Variants in SPOCK1 observed in about 807,000 individuals in gnomAD.
SPOCK1 encodes testican-1.
SPOCK1 carries 23 observed loss-of-function variants against 55.3 expected under a neutral mutation model. That is an observed-to-expected ratio of 0.42 (90% CI 0.30 to 0.59). The LOEUF (loss-of-function observed/expected upper bound fraction) is 0.59, where lower values mean the gene tolerates loss of function less well. Ranked by LOEUF, SPOCK1 falls within the 20% of genes least tolerant of loss-of-function variation. The probability of loss-of-function intolerance (pLI) is 0.22; values close to 1 mark genes in which losing one functional copy is unlikely to be tolerated. For synonymous variants in SPOCK1, 226 were observed against 221.0 expected (o/e 1.02, Z -0.20); for missense variants, 499 against 552.5 (o/e 0.90, Z 0.97).
intron 2 of SPOCK1, among the ~76,000 whole-genome samples, chr5:137,290,448 G>A (rs1480923722): frequency 6.6e-6 from 1 of 152,190 alleles, no homozygotes; most frequent in Admixed American, 6.5e-5. Flanking sequence ...AAACAAGGGA[G>A]GTGAAAGGAG....
chr5:137,219,917 T>A (rs999565311), intron 3 of SPOCK1, among the ~76,000 whole-genome samples: 1 of 152,198 alleles, frequency 6.6e-6, no homozygotes, highest in Non-Finnish European at 1.5e-5. Flanking sequence ...AAGAAGTAAT[T>A]AGAAAATGTG....
At chr5:137,111,643 C>T (rs2127031957) in intron 5 of SPOCK1, among the ~76,000 whole-genome samples, 1 of 152,250 alleles carries the variant, frequency 6.6e-6, no homozygotes, top group Admixed American at 6.5e-5. Flanking sequence ...AATGGCCATA[C>T]TTCACCCAAG....
chr5:137,338,097 C>T (rs910818357), intron 2 of SPOCK1, among the ~76,000 whole-genome samples: 8 of 152,002 alleles, frequency 5.3e-5, no homozygotes, highest in East Asian at 1.9e-4. Context: ...TATACATGTG[C>T]CATGTTGGTG....
intron 4 of SPOCK1, among the ~76,000 whole-genome samples, chr5:137,121,701 A>G (rs1018081844): frequency 1.4e-5 from 2 of 146,514 alleles, no homozygotes; most frequent in African/African-American, 2.5e-5. Context: ...TTCCATATAT[A>G]TTTATAAAAC....
intron 2 of SPOCK1, among the ~76,000 whole-genome samples, chr5:137,343,207 T>C (rs940360203): frequency 2.0e-5 from 3 of 152,224 alleles, no homozygotes; most frequent in Non-Finnish European, 2.9e-5. Context: ...CCCTCTCCAG[T>C]GTTCATGCTG....
At chr5:137,408,392 G>A (rs1752143767) in intron 2 of SPOCK1, among the ~76,000 whole-genome samples, 1 of 152,154 alleles carries the variant, frequency 6.6e-6, no homozygotes, top group African/African-American at 2.4e-5. Flanking sequence ...CAACCATGAT[G>A]CCCAGCAGAC....
intron 2 of SPOCK1, among the ~76,000 whole-genome samples, chr5:137,306,889 C>G (rs1452939580): frequency 1.3e-5 from 2 of 152,166 alleles, no homozygotes; most frequent in Non-Finnish European, 2.9e-5. Context: ...TTAGGCCCCA[C>G]AAAATCTGGG....
At chr5:137,408,473 T>C (rs1486726783) in intron 2 of SPOCK1, among the ~76,000 whole-genome samples, 1 of 152,198 alleles carries the variant, frequency 6.6e-6, no homozygotes, top group Non-Finnish European at 1.5e-5. Context: ...ACCTCTAGCA[T>C]GCAATACCTC....
At chr5:137,421,661 T>G (rs1415988114) in intron 2 of SPOCK1, among the ~76,000 whole-genome samples, 1 of 152,238 alleles carries the variant, frequency 6.6e-6, no homozygotes, top group Non-Finnish European at 1.5e-5. Flanking sequence ...TAGATCTTCC[T>G]CCATCCCTTT....
intron 7 of SPOCK1, among the ~76,000 whole-genome samples, chr5:136,990,000 T>G (rs1195365560): frequency 6.6e-6 from 1 of 152,026 alleles, no homozygotes; most frequent in African/African-American, 2.4e-5. Flanking sequence ...AAGCTCTGCC[T>G]CCCGGGTTCG....
At chr5:137,327,441 G>A (rs1420228227) in intron 2 of SPOCK1, among the ~76,000 whole-genome samples, 5 of 151,996 alleles carry the variant, frequency 3.3e-5, no homozygotes, top group Admixed American at 1.3e-4. Context: ...ATAACATAAC[G>A]AAGTGTTAAA....
At chr5:137,431,738 T>A (rs1413773952) in intron 2 of SPOCK1, among the ~76,000 whole-genome samples, 2 of 152,226 alleles carry the variant, frequency 1.3e-5, no homozygotes, top group African/African-American at 4.8e-5. Flanking sequence ...TCTCTTTGCA[T>A]GTGTCCACTT....
At chr5:137,338,361 T>C (rs1750334797) in intron 2 of SPOCK1, among the ~76,000 whole-genome samples, 1 of 152,178 alleles carries the variant, frequency 6.6e-6, no homozygotes, top group Non-Finnish European at 1.5e-5. Flanking sequence ...TCCTTTTTTA[T>C]GGCTGCATAG....
intron 2 of SPOCK1, among the ~76,000 whole-genome samples, chr5:137,469,887 T>G (rs899482961): frequency 2.6e-5 from 4 of 152,158 alleles, no homozygotes; most frequent in Non-Finnish European, 5.9e-5. Flanking sequence ...TCAGTCATGC[T>G]CCACTATTGA....
intron 2 of SPOCK1, among the ~76,000 whole-genome samples, chr5:137,409,228 T>C (rs956183491): frequency 6.6e-6 from 1 of 152,172 alleles, no homozygotes; most frequent in African/African-American, 2.4e-5. Flanking sequence ...AAGGAGGCAA[T>C]ACTGTTAGAG....
intron 2 of SPOCK1, among the ~76,000 whole-genome samples, chr5:137,276,173 T>C (rs959725293): frequency 2.0e-5 from 3 of 152,376 alleles, no homozygotes; most frequent in Middle Eastern, 3.4e-3. Flanking sequence ...CTAGCTTACA[T>C]GGTCGAGCCA....
intron 2 of SPOCK1, among the ~76,000 whole-genome samples, chr5:137,297,385 C>T (rs771868782): frequency 1.3e-5 from 2 of 152,070 alleles, no homozygotes; most frequent in Non-Finnish European, 2.9e-5. Flanking sequence ...GAAATTATAA[C>T]TGAAAAAATT....
intron 3 of SPOCK1, among the ~76,000 whole-genome samples, chr5:137,162,664 G>A (rs1455697077): frequency 6.6e-6 from 1 of 152,060 alleles, no homozygotes; most frequent in African/African-American, 2.4e-5. Flanking sequence ...CTACAACAAA[G>A]AATTATGTGG....
At chr5:137,395,113 T>C (rs976212786) in intron 2 of SPOCK1, among the ~76,000 whole-genome samples, 2 of 152,204 alleles carry the variant, frequency 1.3e-5, no homozygotes, top group Non-Finnish European at 1.5e-5. Context: ...GCATGTGGCA[T>C]GTGTACACCA....
Sources: allele counts gnomAD v4.1 joint callset (sites outside exome capture counted in the v4.1 genomes callset), GRCh38; gene constraint gnomAD v4.1.1; transcripts MANE v1.5; gene names NCBI Gene and HGNC (gene_info 2026-07-23, HGNC 2026-07-21).